Variants in AUTS2 observed in about 807,000 individuals in gnomAD.
AUTS2 encodes the protein activator of transcription and developmental regulator AUTS2, also known as autism susceptibility gene 2 protein.
AUTS2 carries 17 observed loss-of-function variants against 112.4 expected under a neutral mutation model. That is an observed-to-expected ratio of 0.15 (90% CI 0.10 to 0.23). The LOEUF is 0.23. Ranked by LOEUF, AUTS2 falls within the 10% of genes least tolerant of loss-of-function variation. The pLI, the probability that AUTS2 is intolerant of heterozygous loss-of-function variation, is 1.00. For missense variants in AUTS2, 1,510 were observed against 1,701.6 expected, an observed-to-expected ratio of 0.89 and a Z score of 1.98; for synonymous variants, 751 against 702.7, an observed-to-expected ratio of 1.07 and a Z score of -1.09.
At chr7:70,401,413 G>A (rs1257418820) in intron 4 of AUTS2, among the ~76,000 whole-genome samples, 1 of 152,182 alleles carries the variant, frequency 6.6e-6, no homozygotes, top group Non-Finnish European at 1.5e-5. Context: ...GAGCCTGTGA[G>A]AATAGTGGTG....
At chr7:70,288,043 T>A (rs1788544572) in intron 4 of AUTS2, among the ~76,000 whole-genome samples, 1 of 152,096 alleles carries the variant, frequency 6.6e-6, no homozygotes, top group African/African-American at 2.4e-5. Flanking sequence ...CCTCTAAAGA[T>A]ATGAGGCATG....
intron 4 of AUTS2, among the ~76,000 whole-genome samples, chr7:70,306,593 C>G (rs751152001): frequency 2.0e-5 from 3 of 152,126 alleles, no homozygotes; most frequent in Non-Finnish European, 4.4e-5. Context: ...AAACATTTGC[C>G]TATCACTACA....
intron 2 of AUTS2, among the ~76,000 whole-genome samples, chr7:70,070,830 A>G (rs1802727725): frequency 6.6e-6 from 1 of 151,252 alleles, no homozygotes; most frequent in Non-Finnish European, 1.5e-5. Context: ...CGCGATCAAG[A>G]TCATGCCACT....
Position 69,820,182 on chromosome 7 carries a change from A to G in AUTS2, c.310-79104A>G, listed in dbSNP as rs558524640. 1.1e-4 allele frequency among the ~76,000 whole-genome samples: 16 copies of G among 152,304 alleles called. No homozygotes were observed. In the East Asian group the frequency reaches 3.1e-3, roughly 29 times the overall value. On this transcript the variant is annotated intron_variant, in intron 1 of 18. Coordinates refer to ENST00000342771, the MANE Select transcript of AUTS2 (RefSeq NM_015570.4). ...CTACAGTGGACTGTGCTGTAGGTAA[A>G]GGGAAGCTCCATCACACTGGCATGT...
chr7:69,673,140 T>C (rs1023100904), intron 1 of AUTS2, among the ~76,000 whole-genome samples: 3 of 152,214 alleles, frequency 2.0e-5, no homozygotes, highest in Non-Finnish European at 4.4e-5. Flanking sequence ...TAGCCCTAGA[T>C]ACTTAAAAAA....
chr7:70,128,732 C>A (rs1405199927), intron 3 of AUTS2, among the ~76,000 whole-genome samples: 2 of 152,194 alleles, frequency 1.3e-5, no homozygotes, highest in Non-Finnish European at 2.9e-5. Flanking sequence ...TGACCACAAA[C>A]TGTATGGCTG....
chr7:70,440,721 C>A (rs1796091538), intron 5 of AUTS2, among the ~76,000 whole-genome samples: 2 of 152,168 alleles, frequency 1.3e-5, no homozygotes. Context: ...AAACATCAGG[C>A]CTTCCTCTGA....
intron 4 of AUTS2, among the ~76,000 whole-genome samples, chr7:70,218,760 G>A (rs1811307596): frequency 2.0e-5 from 3 of 152,134 alleles, no homozygotes; most frequent in Non-Finnish European, 2.9e-5. Flanking sequence ...GGGCCAGGGG[G>A]TTGCTCTTTT....
At chr7:70,409,372 A>G (rs1028951654) in intron 4 of AUTS2, among the ~76,000 whole-genome samples, 1 of 152,164 alleles carries the variant, frequency 6.6e-6, no homozygotes, top group Non-Finnish European at 1.5e-5. Context: ...TGTATGTATA[A>G]TAACTCATAG....
chr7:69,769,055 C>G (rs1788550564), intron 1 of AUTS2, among the ~76,000 whole-genome samples: 1 of 152,200 alleles, frequency 6.6e-6, no homozygotes, highest in African/African-American at 2.4e-5. Flanking sequence ...CCCCAAGTCT[C>G]CTGACACAGG....
chr7:69,925,197 T>C (rs1382866767), intron 2 of AUTS2, among the ~76,000 whole-genome samples: 1 of 152,152 alleles, frequency 6.6e-6, no homozygotes, highest in African/African-American at 2.4e-5. Flanking sequence ...GTTTATTAAT[T>C]TTATTGATCT....
chr7:70,074,626 C>A (rs189082676), intron 2 of AUTS2, among the ~76,000 whole-genome samples: 1 of 152,304 alleles, frequency 6.6e-6, no homozygotes, highest in East Asian at 1.9e-4. Flanking sequence ...CTCCATTATA[C>A]CCTGTCTAGT....
At position 70,170,579 on chromosome 7, in the gene AUTS2, A is replaced by G. The variant is rs576470916; in HGVS notation, c.660+36008A>G. On this transcript the variant is annotated intron_variant, in intron 4 of 18. Transcript: ENST00000342771. ...GTCCAAGCTCTTTGAGATGGGATAT[A>G]CTAGGGACACGTTATCTTTTTTTTT... is the stretch of plus-strand genomic sequence containing the variant. Among the ~76,000 whole-genome samples, 10 of 150,938 alleles carry G rather than the reference A, an allele frequency of 6.6e-5. No homozygotes were observed. The South Asian group carries it at 2.1e-3, about 32-fold the overall frequency.
chr7:70,141,159 A>C (rs1806841663), intron 4 of AUTS2, among the ~76,000 whole-genome samples: 1 of 152,202 alleles, frequency 6.6e-6, no homozygotes, highest in African/African-American at 2.4e-5. Flanking sequence ...AAAGACAAGA[A>C]TACAGAGAAA....
At chr7:70,661,405 G>A (rs912413471) in intron 5 of AUTS2, among the ~76,000 whole-genome samples, 1 of 152,174 alleles carries the variant, frequency 6.6e-6, no homozygotes, top group Non-Finnish European at 1.5e-5. Flanking sequence ...CAGGAGGACT[G>A]TTGAGTGAAT....
At chr7:70,307,536 G>A (rs1463123921) in intron 4 of AUTS2, among the ~76,000 whole-genome samples, 1 of 152,212 alleles carries the variant, frequency 6.6e-6, no homozygotes, top group African/African-American at 2.4e-5. Flanking sequence ...TTATGTGCCA[G>A]ACACATGCTC....
chr7:70,051,045 G>A (rs891815787), intron 2 of AUTS2, among the ~76,000 whole-genome samples: 2 of 152,156 alleles, frequency 1.3e-5, no homozygotes, highest in East Asian at 1.9e-4. Context: ...AAGCTCCTCC[G>A]CCTTCCCCTG....
intron 5 of AUTS2, among the ~76,000 whole-genome samples, chr7:70,575,332 C>T (rs1802116240): frequency 6.6e-6 from 1 of 152,306 alleles, no homozygotes; most frequent in South Asian, 2.1e-4. Flanking sequence ...GTGTGCACCC[C>T]CTTCCTTTGC....
At chr7:70,039,569 T>G (rs1801156633) in intron 2 of AUTS2, among the ~76,000 whole-genome samples, 1 of 152,144 alleles carries the variant, frequency 6.6e-6, no homozygotes, top group Non-Finnish European at 1.5e-5. Context: ...CAGGCTGGTC[T>G]CCAACTCCTG....
Sources: allele counts gnomAD v4.1 joint callset (sites outside exome capture counted in the v4.1 genomes callset), GRCh38; gene constraint gnomAD v4.1.1; transcripts MANE v1.5; gene names NCBI Gene and HGNC (gene_info 2026-07-23, HGNC 2026-07-21).